NCOR2: variants seen among roughly 807,000 people sequenced by gnomAD.
NCOR2 encodes nuclear receptor corepressor 2.
NCOR2 carries 81 observed loss-of-function variants against 262.9 expected under a neutral mutation model. The observed-to-expected ratio is 0.31, with a 90% CI of 0.26 to 0.37. The LOEUF (loss-of-function observed/expected upper bound fraction) is 0.37. Ranked by LOEUF, NCOR2 falls within the 10% of genes least tolerant of loss-of-function variation. NCOR2 has a pLI of 1.00. For missense variants in NCOR2, 3,385 were observed against 3,621.4 expected, an observed-to-expected ratio of 0.93 and a Z score of 1.68; for synonymous variants, 1,659 against 1,559.3, an observed-to-expected ratio of 1.06 and a Z score of -1.51.
chr12:124,483,897 G>A lies in NCOR2; in HGVS notation c.234-124C>T. The A allele has an allele frequency of 8.6e-7, 1 of 1,166,874 alleles. No individual in the cohort carries two copies. Among genetic ancestry groups the A allele is most frequent in the African/African-American group, 1.6e-5 (1 of 62,958 alleles). The allele number at this position is 1,166,874 out of a possible 1,614,324, so 72.3% of individuals were successfully genotyped here. ...GTGCTCTGTATGATCCTGCCAGGAA[G>A]GTGCTCACAGGAGCCCACCTCCCAC... On this transcript the variant is annotated intron_variant, in intron 2 of 46. Coordinates refer to ENST00000405201, the Ensembl canonical transcript of NCOR2. This position sits in a 1 kb window ranked among gnomAD's most constrained non-coding sequence, Gnocchi z 6.3.
intron 16 of NCOR2, among the ~76,000 whole-genome samples, chr12:124,396,564 G>A (rs1016964929): frequency 2.6e-5 from 4 of 151,770 alleles, no homozygotes; most frequent in Non-Finnish European, 4.4e-5. Flanking sequence ...CCCAGGCCCC[G>A]CTGGCATGCC....
At chr12:124,428,090 C>CAT (rs2043693236) in intron 10 of NCOR2, among the ~76,000 whole-genome samples, 1 of 138,092 alleles carries the variant, frequency 7.2e-6, no homozygotes, top group African/African-American at 3.0e-5. Flanking sequence ...TGTGTGTGTA[C>CAT]ATGCAACAAT....
chr12:124,342,569 C>T (rs935942485), intron 33 of NCOR2, among the ~76,000 whole-genome samples: 3 of 152,110 alleles, frequency 2.0e-5, no homozygotes, highest in East Asian at 1.9e-4. Context: ...GGGGTTTCAC[C>T]GTGTTAGCCA....
At chr12:124,372,283 T>A (rs1158499925) in exon 20 of NCOR2, 18 of 1,553,898 alleles carry the variant, frequency 1.2e-5, no homozygotes, top group Non-Finnish European at 1.6e-5. Flanking sequence ...TGCCAGCTCC[T>A]CAGCCGCGGG....
At chr12:124,370,085 G>A (rs750767423) in intron 20 of NCOR2, among the ~76,000 whole-genome samples, 5 of 152,212 alleles carry the variant, frequency 3.3e-5, no homozygotes, top group Admixed American at 6.5e-5. Context: ...GGAGCGGGGC[G>A]GGGAGCCGTC....
chr12:124,370,302 C>T (rs889137848), intron 20 of NCOR2, among the ~76,000 whole-genome samples: 3 of 152,232 alleles, frequency 2.0e-5, no homozygotes, highest in African/African-American at 7.2e-5. Flanking sequence ...GGGCGCGGTT[C>T]CTGTTGGCAG....
At chr12:124,536,430 G>A (rs1319981665), upstream of NCOR2, among the ~76,000 whole-genome samples, 1 of 152,142 alleles carries the variant, frequency 6.6e-6, no homozygotes, top group Non-Finnish European at 1.5e-5. Flanking sequence ...TGCAATGATA[G>A]CTAGTACCCA....
In NCOR2 at chr12:124,342,089, G is replaced by A. The variant is rs769592393; in HGVS notation, c.4937-15C>T. 26 of 1,597,796 alleles carry A rather than the reference G, an allele frequency of 1.6e-5. No individual in the cohort carries two copies. Among genetic ancestry groups the A allele is most frequent in the Admixed American group, 3.4e-5 (2 of 59,574 alleles). Reference sequence around the variant, plus strand: ...GTAGGCAGCGGCTGCGGGGCAGAGGGGAGCTCATGTGAGGCCAGCCATACC... The same window carrying A: ...GTAGGCAGCGGCTGCGGGGCAGAGGAGAGCTCATGTGAGGCCAGCCATACC... On this transcript the variant is annotated splice_polypyrimidine_tract_variant and intron_variant, in intron 33 of 46. Transcript: ENST00000405201.
intron 1 of NCOR2, among the ~76,000 whole-genome samples, chr12:124,567,041 C>A (rs1437918954): frequency 3.3e-5 from 5 of 152,100 alleles, no homozygotes; most frequent in African/African-American, 1.2e-4. Context: ...GCGCGCCCCC[C>A]GCCCACCCCA....
rs1033536188 is a variant in NCOR2 at position 124,475,504 on chromosome 12, A to G, written c.412-2373T>C. Among the ~76,000 whole-genome samples the G allele has an allele frequency of 2.6e-5, 4 of 152,348 alleles. 1 individual carries two copies. In the South Asian group the frequency reaches 8.3e-4, roughly 32 times the overall value. ...AAGGGCCAGATGGTAAAAATAGCTC[A>G]AGCTTTGAGGGCCACAAGGTCTCTG... On this transcript the variant is annotated intron_variant, in intron 3 of 46. Transcript: ENST00000405201.
chr12:124,497,053 C>A (rs1326767487), upstream of NCOR2, among the ~76,000 whole-genome samples: 1 of 152,214 alleles, frequency 6.6e-6, no homozygotes, highest in Admixed American at 6.5e-5. The surrounding 1 kb of genome is among the most constrained non-coding windows in gnomAD (Gnocchi z 4.2). Context: ...CAGGTCGAAG[C>A]CTGCTCACTT....
At chr12:124,554,416 A>G (rs1282233561) in intron 1 of NCOR2, among the ~76,000 whole-genome samples, 1 of 152,058 alleles carries the variant, frequency 6.6e-6, no homozygotes, top group African/African-American at 2.4e-5. Context: ...GACAGGGAAT[A>G]TCTCCTCTGG....
In NCOR2 at chr12:124,327,392, G is replaced by A. The variant is rs762724085; in HGVS notation, c.7183+17C>T. On this transcript the variant is annotated intron_variant, in intron 45 of 46. Coordinates refer to ENST00000405201, the Ensembl canonical transcript of NCOR2. ...GGGTGGGGACAGACGGGGGCGGGGCGGGGGTGGCCTGCAGACCTGGCGAGG... is the reference window on the plus strand; with the variant it reads ...GGGTGGGGACAGACGGGGGCGGGGCAGGGGTGGCCTGCAGACCTGGCGAGG... 10 of 1,586,890 alleles carry A rather than the reference G, an allele frequency of 6.3e-6. No individual in the cohort carries two copies. Among genetic ancestry groups the A allele is most frequent in the South Asian group, 2.2e-5 (2 of 89,132 alleles).
chr12:124,511,176 T>C (rs2049373264), intron 1 of NCOR2, among the ~76,000 whole-genome samples: 1 of 152,002 alleles, frequency 6.6e-6, no homozygotes, highest in Admixed American at 6.6e-5. Context: ...AAAGCCCAGA[T>C]TTCGGGGTAC....
At chr12:124,540,395 G>A (rs1470580883), upstream of NCOR2, among the ~76,000 whole-genome samples, 2 of 133,646 alleles carry the variant, frequency 1.5e-5, no homozygotes, top group African/African-American at 5.9e-5. Context: ...AGAAGCTGGG[G>A]CAGCCAGAGG....
At chr12:124,380,935 T>G (rs1042445866) in intron 17 of NCOR2, among the ~76,000 whole-genome samples, 1 of 152,066 alleles carries the variant, frequency 6.6e-6, no homozygotes, top group East Asian at 1.9e-4. Flanking sequence ...GTGTGTAGAA[T>G]AGGAGATGCT....
rs566583801 is a variant in NCOR2 at position 124,451,467 on chromosome 12, G to C, written c.763-1600C>G. 1.1e-3 allele frequency among the ~76,000 whole-genome samples: 174 copies of C among 152,324 alleles called. 1 individual carries two copies. Among genetic ancestry groups the C allele is most frequent in the Admixed American group, 4.0e-3 (61 of 15,296 alleles). On this transcript the variant is annotated intron_variant, in intron 6 of 46. Coordinates refer to ENST00000405201, the Ensembl canonical transcript of NCOR2. ...AGGTTACAACATTTGCCCACAGCTG[G>C]TAAGAGATGAGCCTGAATGACAGCC...
exon 38 of NCOR2, chr12:124,337,150 C>A: frequency 6.6e-7 from 1 of 1,519,834 alleles, no homozygotes. Flanking sequence ...ATGTGGCAGC[C>A]GGGCGAACGG....
chr12:124,521,096 T>C (rs2137088452), intron 1 of NCOR2, among the ~76,000 whole-genome samples: 1 of 152,098 alleles, frequency 6.6e-6, no homozygotes, highest in African/African-American at 2.4e-5. Flanking sequence ...AAACTACATG[T>C]GTGGGGCCCA....
Sources: allele counts gnomAD v4.1 joint callset (sites outside exome capture counted in the v4.1 genomes callset), GRCh38; gene constraint gnomAD v4.1.1; non-coding constraint Gnocchi (gnomAD v3.1); transcripts MANE v1.5; gene names NCBI Gene and HGNC (gene_info 2026-07-23, HGNC 2026-07-21).